Variants in AGBL4 observed in about 807,000 individuals in gnomAD.
AGBL4 encodes the protein cytosolic carboxypeptidase 6.
A neutral mutation model predicts 66.4 loss-of-function variants in AGBL4; 58 were observed. The ratio of observed to expected loss-of-function variants is 0.87; its 90% CI spans 0.71 to 1.09. The LOEUF (loss-of-function observed/expected upper bound fraction) is 1.09, where lower values mean the gene tolerates loss of function less well. Ranked by LOEUF, AGBL4 falls within the 50% of genes least tolerant of loss-of-function variation. The pLI, the probability that AGBL4 is intolerant of heterozygous loss-of-function variation, is 0.00. For synonymous variants in AGBL4, 234 were observed against 222.9 expected, an observed-to-expected ratio of 1.05 and a Z score of -0.44; for missense variants, 579 against 631.0, an observed-to-expected ratio of 0.92 and a Z score of 0.88.
chr1:49,906,169 A>G (rs556963033), intron 1 of AGBL4, among the ~76,000 whole-genome samples: 1 of 150,768 alleles, frequency 6.6e-6, no homozygotes, highest in South Asian at 2.1e-4. Context: ...TCCTTATCCA[A>G]TTAAGTAGCA....
intron 4 of AGBL4, among the ~76,000 whole-genome samples, chr1:49,214,629 C>G (rs1648930641): frequency 6.6e-6 from 1 of 152,100 alleles, no homozygotes; most frequent in Non-Finnish European, 1.5e-5. Flanking sequence ...TACAGAAAGG[C>G]TCTCCATGAC....
chr1:49,052,382 C>T (rs1267126073), intron 4 of AGBL4, among the ~76,000 whole-genome samples: 1 of 152,160 alleles, frequency 6.6e-6, no homozygotes, highest in Non-Finnish European at 1.5e-5. Flanking sequence ...AGATTCCTGA[C>T]AGGCAGCAAG....
intron 6 of AGBL4, among the ~76,000 whole-genome samples, chr1:48,848,576 T>C (rs535021543): frequency 4.8e-4 from 73 of 152,344 alleles, no homozygotes; most frequent in African/African-American, 1.7e-3. Context: ...AACATTTTTT[T>C]TTCCGAAAGA....
chr1:49,366,564 C>T (rs1462587807), intron 3 of AGBL4, among the ~76,000 whole-genome samples: 1 of 152,172 alleles, frequency 6.6e-6, no homozygotes, highest in Non-Finnish European at 1.5e-5. Context: ...TGATTTATTA[C>T]ATTTACTTAG....
In AGBL4 at chr1:48,815,031, G is replaced by A. The variant is rs1646142381; in HGVS notation, c.634+52160C>T. 2.6e-5 allele frequency among the ~76,000 whole-genome samples: 4 copies of A among 152,144 alleles called. No homozygotes were observed. The South Asian group carries it at 8.3e-4, about 31-fold the overall frequency. ...ACATTCCCATCAACGGTGTATAAGA[G>A]TTCCCTTTTCTCCACATCCTTTCCA... On this transcript the variant is annotated intron_variant, in intron 6 of 13. Transcript: ENST00000371839.
intron 3 of AGBL4, among the ~76,000 whole-genome samples, chr1:49,563,439 G>C (rs1644106651): frequency 6.6e-6 from 1 of 152,146 alleles, no homozygotes; most frequent in South Asian, 2.1e-4. Context: ...GATATTGGCT[G>C]TGGGTTTGTC....
intron 9 of AGBL4, among the ~76,000 whole-genome samples, chr1:48,622,475 ATTTTT>A (rs35455455): frequency 2.4e-4 from 17 of 71,854 alleles, no homozygotes; most frequent in Non-Finnish European, 4.0e-4. Context: ...ATTCAAATAC[ATTTTT>A]TTTTTTTTTT....
At chr1:49,033,121 T>C (rs1303552647) in intron 5 of AGBL4, among the ~76,000 whole-genome samples, 3 of 152,106 alleles carry the variant, frequency 2.0e-5, no homozygotes, top group Non-Finnish European at 4.4e-5. Context: ...CTCAGCTAGA[T>C]ACTGAGATGA....
intron 6 of AGBL4, among the ~76,000 whole-genome samples, chr1:48,863,098 A>G: frequency 6.6e-6 from 1 of 152,206 alleles, no homozygotes; most frequent in Non-Finnish European, 1.5e-5. Flanking sequence ...CAAAAAGTTT[A>G]ACTTAGTCTA....
intron 3 of AGBL4, among the ~76,000 whole-genome samples, chr1:49,300,347 T>C (rs1486405571): frequency 6.6e-6 from 1 of 152,132 alleles, no homozygotes; most frequent in Non-Finnish European, 1.5e-5. Context: ...CATTAATTGG[T>C]AAAATGGGAA....
rs143820918 is a variant in AGBL4 at position 49,847,705 on chromosome 1, GT to G, written c.157+3690del. 1.7e-3 allele frequency among the ~76,000 whole-genome samples: 239 copies of G among 141,978 alleles called. 1 individual carries two copies. The highest frequency in any genetic ancestry group is 0.012 in the South Asian group (53 of 4,462). The allele number at this position is 141,978 out of a possible 152,430, so 93.1% of individuals were successfully genotyped here. A position where few individuals can be genotyped will look rare whatever the true frequency, so the allele number is the denominator to read the frequency against. On this transcript the variant is annotated intron_variant, in intron 2 of 13. Coordinates refer to ENST00000371839, the MANE Select transcript of AGBL4 (RefSeq NM_032785.4). ...AACATTACAAATGGCAAATAAACTTGTTTTTTTTTTTTTTGAGATGGAGTCT... is the reference window on the plus strand; with the variant it reads ...AACATTACAAATGGCAAATAAACTTGTTTTTTTTTTTTTGAGATGGAGTCT...
At chr1:49,359,762 C>T (rs1304014454) in intron 3 of AGBL4, among the ~76,000 whole-genome samples, 1 of 152,130 alleles carries the variant, frequency 6.6e-6, no homozygotes, top group South Asian at 2.1e-4. Context: ...AGCTTTTTTA[C>T]CCCGAGAAAG....
intron 5 of AGBL4, among the ~76,000 whole-genome samples, chr1:48,997,131 C>T (rs1661079051): frequency 1.3e-5 from 2 of 152,128 alleles, no homozygotes; most frequent in South Asian, 4.1e-4. Context: ...TCATGTTGGC[C>T]AGGCTGGTCT....
At chr1:48,768,775 A>G (rs1644659778) in intron 6 of AGBL4, among the ~76,000 whole-genome samples, 1 of 152,208 alleles carries the variant, frequency 6.6e-6, no homozygotes, top group Non-Finnish European at 1.5e-5. Context: ...TCTTATAAAT[A>G]TCTATATATA....
At chr1:48,665,561 C>A (rs889382747) in intron 6 of AGBL4, among the ~76,000 whole-genome samples, 5 of 152,176 alleles carry the variant, frequency 3.3e-5, no homozygotes, top group African/African-American at 1.2e-4. Context: ...AAGGGACATG[C>A]CCAAGGTCAT....
intron 3 of AGBL4, among the ~76,000 whole-genome samples, chr1:49,437,571 G>A (rs1645930031): frequency 6.6e-6 from 1 of 152,098 alleles, no homozygotes; most frequent in Admixed American, 6.6e-5. Flanking sequence ...TACTTTGGTC[G>A]AGTTATAGTG....
chr1:49,739,185 A>G (rs1650184540), intron 2 of AGBL4, among the ~76,000 whole-genome samples: 1 of 152,228 alleles, frequency 6.6e-6, no homozygotes, highest in Non-Finnish European at 1.5e-5. Flanking sequence ...GCTAACTAGA[A>G]TAAGCAATAC....
chr1:48,776,541 C>T lies in AGBL4; in HGVS notation c.634+90650G>A, dbSNP rs985456948. The T allele has an allele frequency of 7.3e-6, 9 of 1,229,358 alleles. No individual in the cohort carries two copies. In the East Asian group the frequency reaches 2.8e-4, roughly 39 times the overall value. The allele number at this position is 1,229,358 out of a possible 1,614,324, so 76.2% of individuals were successfully genotyped here. On this transcript the variant is annotated intron_variant, in intron 6 of 13. Coordinates refer to ENST00000371839, the MANE Select transcript of AGBL4 (RefSeq NM_032785.4). ...CCCCCGGTCCCCTCCGCCCGGGCCC[C>T]CGGCCCCTCCCGGGGTCCCAGCCCC... is the stretch of plus-strand genomic sequence containing the variant.
chr1:49,973,388 C>A (rs1006167533), intron 1 of AGBL4, among the ~76,000 whole-genome samples: 1 of 152,034 alleles, frequency 6.6e-6, no homozygotes, highest in Non-Finnish European at 1.5e-5. Flanking sequence ...ACAATGGCCA[C>A]CCTTCAAATG....
Sources: allele counts gnomAD v4.1 joint callset (sites outside exome capture counted in the v4.1 genomes callset), GRCh38; gene constraint gnomAD v4.1.1; transcripts MANE v1.5; gene names NCBI Gene and HGNC (gene_info 2026-07-23, HGNC 2026-07-21).